Variants in CNGA1 observed in about 807,000 individuals in gnomAD.
CNGA1 encodes the protein cyclic nucleotide gated channel subunit alpha 1.
Under a neutral mutation model 69.7 loss-of-function variants are expected in CNGA1, and 53 were observed. That is an observed-to-expected ratio of 0.76 (90% CI 0.61 to 0.96). The LOEUF (loss-of-function observed/expected upper bound fraction) is 0.96, where lower values mean the gene tolerates loss of function less well. Ranked by LOEUF, CNGA1 falls within the 40% of genes least tolerant of loss-of-function variation. The pLI, the probability that CNGA1 is intolerant of heterozygous loss-of-function variation, is 0.00. For synonymous variants in CNGA1, 249 were observed against 283.5 expected (o/e 0.88, Z 1.22); for missense variants, 739 against 811.2 (o/e 0.91, Z 1.08).
intron 6 of CNGA1, among the ~76,000 whole-genome samples, chr4:47,949,056 G>A (rs2110153350): frequency 6.6e-6 from 1 of 152,298 alleles, no homozygotes; most frequent in Non-Finnish European, 1.5e-5. Context: ...TCCCACATGG[G>A]GTGAATTTTC....
Position 47,936,779 on chromosome 4 carries a change from TCTGAGTAGCCAATA to T in CNGA1, c.1689_1702del (p.Ser563ArgfsTer9), listed in dbSNP as rs776305454. ...GTCATCTTTTGAGAGACAGAACAGG[TCTGAGTAGCCAATA>T]CTTTTAATATTGGCCGTTCTTCGAT... On this transcript the variant is annotated frameshift_variant, in exon 11 of 11. Transcript: ENST00000514170. LOFTEE classifies it high-confidence loss of function. The T allele has an allele frequency of 4.3e-6, 7 of 1,614,022 alleles. No homozygotes were observed. The highest frequency in any genetic ancestry group is 1.3e-5 in the African/African-American group (1 of 74,906).
chr4:47,955,296 T>C (rs759530223), intron 3 of CNGA1, among the ~76,000 whole-genome samples: 2 of 149,860 alleles, frequency 1.3e-5, no homozygotes, highest in Non-Finnish European at 3.0e-5. Context: ...TGTTCTCCTG[T>C]CTCAGCCTCC....
intron 3 of CNGA1, among the ~76,000 whole-genome samples, chr4:47,966,717 C>T (rs189314410): frequency 6.6e-6 from 1 of 152,038 alleles, no homozygotes; most frequent in Non-Finnish European, 1.5e-5. Flanking sequence ...AAATCTGAAA[C>T]CTTTAGGATC....
chr4:48,009,538 C>T (rs566733400), intron 2 of CNGA1, among the ~76,000 whole-genome samples: 2 of 150,456 alleles, frequency 1.3e-5, no homozygotes, highest in Admixed American at 6.6e-5. Flanking sequence ...CGCACAGTGG[C>T]TCATGCTATA....
At chr4:47,976,199 GTA>G (rs367544700) in intron 3 of CNGA1, among the ~76,000 whole-genome samples, 1,778 of 14,068 alleles carry the variant, frequency 0.13, 219 homozygotes, top group Admixed American at 0.18. Flanking sequence ...ACATATATAT[GTA>G]TATATATATA....
intron 3 of CNGA1, among the ~76,000 whole-genome samples, chr4:47,977,328 C>T (rs888884957): frequency 9.9e-5 from 15 of 152,046 alleles, no homozygotes; most frequent in African/African-American, 3.4e-4. Context: ...GAGGACAGAG[C>T]GAAAAGATGA....
chr4:47,971,656 G>C (rs747667415), intron 3 of CNGA1, among the ~76,000 whole-genome samples: 70 of 152,124 alleles, frequency 4.6e-4, no homozygotes, highest in Non-Finnish European at 1.5e-4. Context: ...AACTTTGGGA[G>C]GCCAAGGTGG....
chr4:48,000,445 C>T (rs1037861267), intron 2 of CNGA1, among the ~76,000 whole-genome samples: 3 of 151,856 alleles, frequency 2.0e-5, no homozygotes, highest in African/African-American at 4.8e-5. Context: ...TCTCGGCTCA[C>T]CGCAACCTCC....
At chr4:47,943,696 GC>G (rs1739231539) in intron 6 of CNGA1, among the ~76,000 whole-genome samples, 1 of 152,080 alleles carries the variant, frequency 6.6e-6, no homozygotes, top group African/African-American at 2.4e-5. Flanking sequence ...AGAAACAACA[GC>G]CCCCCAAGAG....
intron 10 of CNGA1, 125 bp downstream of exon 10, chr4:47,940,637 GC>G (rs1739018023): frequency 4.3e-6 from 3 of 696,934 alleles, no homozygotes; most frequent in Non-Finnish European, 7.6e-6. Context: ...CTTCACCTGT[GC>G]CTTTTTCTCT....
At chr4:48,011,757 C>T (rs1437448239) in intron 1 of CNGA1, among the ~76,000 whole-genome samples, 1 of 152,128 alleles carries the variant, frequency 6.6e-6, no homozygotes, top group Non-Finnish European at 1.5e-5. Context: ...GTGTGGGGGG[C>T]TTCCAGGCTG....
At chr4:48,005,488 T>A (rs1351771650) in intron 2 of CNGA1, among the ~76,000 whole-genome samples, 1 of 152,208 alleles carries the variant, frequency 6.6e-6, no homozygotes, top group East Asian at 1.9e-4. Flanking sequence ...TACATAGGCT[T>A]TTAAATTGGC....
intron 3 of CNGA1, among the ~76,000 whole-genome samples, chr4:47,955,173 C>CTTTTTTTT (rs377338639): frequency 3.1e-5 from 3 of 98,196 alleles, no homozygotes; most frequent in Non-Finnish European, 5.9e-5. Flanking sequence ...TTTTTCTTTT[C>CTTTTTTTT]TTTTTTTTTT....
intron 2 of CNGA1, among the ~76,000 whole-genome samples, chr4:47,981,981 A>C (rs1741738603): frequency 6.6e-6 from 1 of 152,188 alleles, no homozygotes; most frequent in African/African-American, 2.4e-5. Flanking sequence ...TATTTTATGG[A>C]GGAATTGCAT....
intron 1 of CNGA1, among the ~76,000 whole-genome samples, chr4:48,013,583 C>T (rs997518214): frequency 6.6e-6 from 1 of 152,180 alleles, no homozygotes; most frequent in Non-Finnish European, 1.5e-5. Flanking sequence ...TGACTAGCCT[C>T]TCCAAAGGAG....
chr4:47,974,478 A>C (rs537502210), intron 3 of CNGA1, among the ~76,000 whole-genome samples: 6 of 152,104 alleles, frequency 3.9e-5, no homozygotes, highest in South Asian at 2.1e-4. Flanking sequence ...ACAATGTTTC[A>C]GTTAGGAGGA....
At chr4:48,011,308 T>A (rs1577613732) in intron 1 of CNGA1, among the ~76,000 whole-genome samples, 9 of 126,962 alleles carry the variant, frequency 7.1e-5, no homozygotes, top group African/African-American at 1.3e-4. Context: ...AGAAAAAAAA[T>A]TACTAAAAAA....
At chr4:47,962,422 G>A (rs1740499511) in intron 3 of CNGA1, among the ~76,000 whole-genome samples, 2 of 149,760 alleles carry the variant, frequency 1.3e-5, no homozygotes, top group African/African-American at 2.5e-5. Context: ...TGTTGAAAAT[G>A]AAAAAAAAAA....
intron 3 of CNGA1, among the ~76,000 whole-genome samples, chr4:47,979,977 G>A (rs1373222447): frequency 6.6e-6 from 1 of 152,052 alleles, no homozygotes; most frequent in Non-Finnish European, 1.5e-5. Context: ...CTTTGACTGT[G>A]GCCTGTATAG....
Sources: allele counts gnomAD v4.1 joint callset (sites outside exome capture counted in the v4.1 genomes callset), GRCh38; gene constraint gnomAD v4.1.1; transcripts MANE v1.5; gene names NCBI Gene and HGNC (gene_info 2026-07-23, HGNC 2026-07-21).